FN1: variants seen among roughly 807,000 people sequenced by gnomAD.
The protein encoded by FN1 is fibronectin.
A neutral mutation model predicts 297.3 loss-of-function variants in FN1; 106 were observed. The observed-to-expected ratio is 0.36, with a 90% CI of 0.30 to 0.42. FN1 has a LOEUF of 0.42. Among genes scored for constraint, FN1 ranks in the 10% least tolerant of loss-of-function variants. The pLI, the probability that FN1 is intolerant of heterozygous loss-of-function variation, is 1.00. For synonymous variants in FN1, 1,149 were observed against 1,152.6 expected (o/e 1.00, Z 0.06); for missense variants, 2,690 against 3,124.9 (o/e 0.86, Z 3.32).
Position 215,420,638 on chromosome 2 carries a change from T to C in FN1, c.1675+35A>G, listed in dbSNP as rs115030746. 9.6e-4 allele frequency: 1,545 copies of C among 1,613,424 alleles called. 14 individuals are homozygous for C. The African/African-American group carries it at 0.018, about 19-fold the overall frequency. On this transcript the variant is annotated intron_variant, in intron 11 of 45. Coordinates refer to ENST00000354785, the MANE Select transcript of FN1 (RefSeq NM_212482.4). ...TCTGAAACTTGCTAACCATTCCCCC[T>C]GTGCAAACTCATCTAGGGAAATAGG...
At chr2:215,405,888 A>C (rs1330366797) in intron 19 of FN1, among the ~76,000 whole-genome samples, 1 of 152,208 alleles carries the variant, frequency 6.6e-6, no homozygotes, top group Non-Finnish European at 1.5e-5. Context: ...GCTATTGTTA[A>C]ATGAATTCTA....
chr2:215,387,326 T>C (rs1387041971), intron 27 of FN1, among the ~76,000 whole-genome samples: 1 of 152,086 alleles, frequency 6.6e-6, no homozygotes, highest in African/African-American at 2.4e-5. Flanking sequence ...ATTCTGTGTT[T>C]CTATCCTGTA....
At chr2:215,435,462 C>A (rs1250258) in intron 1 of FN1, among the ~76,000 whole-genome samples, 193 bp downstream of exon 1, 1 of 152,076 alleles carries the variant, frequency 6.6e-6, no homozygotes, top group Non-Finnish European at 1.5e-5. Flanking sequence ...CTCCAATGCA[C>A]GGTCTTATCA....
At chr2:215,388,341 A>G (rs768888099) in intron 26 of FN1, 40 bp from the exon 27 acceptor site, 1 of 1,431,478 alleles carries the variant, frequency 7.0e-7, no homozygotes, top group South Asian at 1.1e-5. Context: ...ACTCTGCTCA[A>G]AAGCATGAGA....
intron 13 of FN1, among the ~76,000 whole-genome samples, chr2:215,410,444 G>A (rs933197574): frequency 6.6e-6 from 1 of 151,758 alleles, no homozygotes; most frequent in East Asian, 1.9e-4. Context: ...TTTTACAGAC[G>A]GAAAAACAGA....
chr2:215,406,211 G>A lies in FN1; in HGVS notation c.2986+27C>T, dbSNP rs180716329. The stretch of plus-strand genomic sequence containing the variant: ...GCAAGTGAGGGTGGAGAATTTGGAG[G>A]GGAGATAGAGATAGGAGAAGACATA... On this transcript the variant is annotated intron_variant, in intron 19 of 45. Transcript: ENST00000354785. 2.7e-4 allele frequency: 442 copies of A among 1,611,500 alleles called. 1 individual carries two copies. The Admixed American group carries it at 7.1e-3, about 26-fold the overall frequency.
At position 215,376,685 on chromosome 2, in the gene FN1, G is replaced by A. The variant is rs377330756; in HGVS notation, c.5711-11C>T. On this transcript the variant is annotated splice_polypyrimidine_tract_variant and intron_variant, in intron 35 of 45. Transcript: ENST00000354785. ...TTGGTGGGCTGACATCTGCACAGGA[G>A]CATAGCTAGAGATTAGTGCCTGCTT... 16 of 1,612,876 alleles carry A rather than the reference G, an allele frequency of 9.9e-6. No homozygotes were observed. Among genetic ancestry groups the A allele is most frequent in the Middle Eastern group, 3.3e-4 (2 of 6,012 alleles).
rs1359530623 is a variant in FN1 at position 215,397,773 on chromosome 2, C to T, written c.3424G>A (p.Gly1142Ser). ...TSDSGSIVVS[G>S]LTPGVEYVYT... ...ACGTATTCTACTCCTGGAGTCAAGC[C>T]GGACACAACGATGCTTCCTGAGTCT... The change falls in exon 22 of 46, where the codon GGC becomes AGC. Residue 1142 changes from glycine to serine, a missense_variant. By Grantham distance (56) the Gly-to-Ser change is moderately conservative. Around this residue, in one of 3 missense-constraint regions of FN1, gnomAD observed 1,743 missense variants for 1,945.2 expected, o/e 0.90. Transcript: ENST00000354785. The T allele has an allele frequency of 4.3e-6, 7 of 1,613,920 alleles. No homozygotes were observed. Among genetic ancestry groups the T allele is most frequent in the Admixed American group, 1.7e-5 (1 of 60,000 alleles).
At chr2:215,382,496 A>G (rs533055232) in intron 31 of FN1, among the ~76,000 whole-genome samples, 171 bp from the exon 32 acceptor site, 1 of 152,368 alleles carries the variant, frequency 6.6e-6, no homozygotes, top group South Asian at 2.1e-4. Flanking sequence ...AAACCTGTTC[A>G]TTGCTAATAC....
chr2:215,379,637 A>G, intron 33 of FN1: 1 of 274,902 alleles, frequency 3.6e-6, no homozygotes, highest in Admixed American at 5.0e-5. Context: ...ATTGGCCATT[A>G]TGATTTATTT....
rs755442335 is a variant in FN1 at position 215,435,791 on chromosome 2, A to T, written c.12T>A (p.Gly4=). ...CCAGCAGCAGCAGCCCGGGCCCCGG[A>T]CCCCTAAGCATGTTGAGACGGTGGG... MLR[G]PGPGLLLLAV... is the part of the protein sequence containing the mutation. Residue 4 remains glycine, a synonymous_variant, in exon 1 of 46, where the codon GGT becomes GGA. Transcript: ENST00000354785. The T allele has an allele frequency of 6.4e-7, 1 of 1,560,780 alleles. No homozygotes were observed. The highest frequency in any genetic ancestry group is 8.7e-7 in the Non-Finnish European group (1 of 1,155,958).
chr2:215,388,367 A>AGG, intron 26 of FN1, 66 bp from the exon 27 acceptor site: 4 of 1,133,392 alleles, frequency 3.5e-6, no homozygotes, highest in Non-Finnish European at 5.4e-6. Context: ...AAGCACGCCC[A>AGG]GGACTATTTG....
intron 28 of FN1, among the ~76,000 whole-genome samples, chr2:215,385,827 G>T (rs1259691310): frequency 1.4e-5 from 2 of 147,910 alleles, no homozygotes; most frequent in Non-Finnish European, 3.0e-5. Flanking sequence ...CACCAGGCTG[G>T]AGTGCAGTGA....
intron 21 of FN1, 125 bp downstream of exon 21, chr2:215,399,132 G>T: frequency 9.4e-6 from 7 of 743,504 alleles, no homozygotes; most frequent in Non-Finnish European, 1.7e-5. Context: ...AGTCAAAGAT[G>T]TATGGACAGA....
chr2:215,415,129 C>T (rs1342486356), intron 12 of FN1, among the ~76,000 whole-genome samples, 171 bp from the exon 13 acceptor site: 1 of 152,038 alleles, frequency 6.6e-6, no homozygotes, highest in East Asian at 1.9e-4. Context: ...ATCAATGCAG[C>T]AAATCCATTT....
Position 215,408,437 on chromosome 2 carries a change from A to G in FN1, c.2300-11T>C. 6.2e-7 allele frequency: 1 copy of G among 1,614,066 alleles called. No homozygotes were observed. The highest frequency in any genetic ancestry group is 8.5e-7 in the Non-Finnish European group (1 of 1,179,930). ...CTGTGCTTGGAAGATCTTTGAAATGAAAAGAAAAGGTAACTAATCAGAGCA... is the reference window on the plus strand; with the variant it reads ...CTGTGCTTGGAAGATCTTTGAAATGGAAAGAAAAGGTAACTAATCAGAGCA... On this transcript the variant is annotated splice_polypyrimidine_tract_variant and intron_variant, in intron 15 of 45. Coordinates refer to ENST00000354785, the MANE Select transcript of FN1 (RefSeq NM_212482.4).
intron 13 of FN1, 99 bp from the exon 14 acceptor site, chr2:215,410,213 A>C: frequency 7.8e-7 from 1 of 1,273,920 alleles, no homozygotes; most frequent in Non-Finnish European, 1.1e-6. Flanking sequence ...AAAATGACTT[A>C]AGCAGGACTT....
Position 215,431,977 on chromosome 2 carries a change from C to T in FN1, c.416-13G>A, listed in dbSNP as rs775956890. The T allele has an allele frequency of 6.2e-7, 1 of 1,613,886 alleles. No individual in the cohort carries two copies. The highest frequency in any genetic ancestry group is 8.5e-7 in the Non-Finnish European group (1 of 1,179,950). On this transcript the variant is annotated splice_polypyrimidine_tract_variant and intron_variant, in intron 3 of 45. Transcript: ENST00000354785. ...TCATGGCAGCGGTCTGTTGAAGATACAACGAAAATGTTAGGAGAGGGCAGA... is the reference window on the plus strand; with the variant it reads ...TCATGGCAGCGGTCTGTTGAAGATATAACGAAAATGTTAGGAGAGGGCAGA...
chr2:215,420,957 C>CA, intron 10 of FN1, 156 bp from the exon 11 acceptor site: 1 of 800,584 alleles, frequency 1.2e-6, no homozygotes, highest in East Asian at 2.8e-5. Context: ...ACATTTTTTT[C>CA]AAAGTTTGGT....
Sources: allele counts gnomAD v4.1 joint callset (sites outside exome capture counted in the v4.1 genomes callset), GRCh38; gene constraint gnomAD v4.1.1; regional missense constraint gnomAD v4.1.1; transcripts MANE v1.5; gene names NCBI Gene and HGNC (gene_info 2026-07-23, HGNC 2026-07-21).